Variants in NEMP2 observed in about 807,000 individuals in gnomAD.
NEMP2 encodes the protein UPF0571 transmembrane protein.
In NEMP2, 53 loss-of-function variants were observed where a neutral mutation model predicts 54.2. That is an observed-to-expected ratio of 0.98 (90% confidence interval 0.78 to 1.23). The LOEUF (loss-of-function observed/expected upper bound fraction) is 1.23, where lower values mean the gene tolerates loss of function less well. NEMP2 is among the 50% of genes most tolerant of loss of function. The pLI, the probability that NEMP2 is intolerant of heterozygous loss-of-function variation, is 0.00. For synonymous variants in NEMP2, 197 were observed against 190.3 expected, an observed-to-expected ratio of 1.04 and a Z score of -0.29; for missense variants, 455 against 511.3, an observed-to-expected ratio of 0.89 and a Z score of 1.06.
chr2:190,622,026 G>C, the NEMP2 span, among the ~76,000 whole-genome samples: 1 of 152,224 alleles, frequency 6.6e-6, no homozygotes, highest in Non-Finnish European at 1.5e-5. Flanking sequence ...AGAATCACTT[G>C]AGCCTGGGAG....
the NEMP2 span, among the ~76,000 whole-genome samples, chr2:190,574,014 T>C: frequency 5.6e-4 from 86 of 152,344 alleles, no homozygotes; most frequent in Non-Finnish European, 1.1e-3. Flanking sequence ...GTCATCCAGC[T>C]AGGAAGCTGC....
At chr2:190,441,897 C>T in the NEMP2 span, among the ~76,000 whole-genome samples, 2 of 152,202 alleles carry the variant, frequency 1.3e-5, no homozygotes, top group Non-Finnish European at 2.9e-5. Context: ...TTTTCTGTCA[C>T]CTACCTAACC....
chr2:190,481,788 T>C, the NEMP2 span, among the ~76,000 whole-genome samples: 2 of 152,218 alleles, frequency 1.3e-5, no homozygotes, highest in Admixed American at 6.5e-5. Flanking sequence ...AATTGTTGCA[T>C]GTCTTATATA....
At chr2:190,565,199 G>C in the NEMP2 span, among the ~76,000 whole-genome samples, 1 of 152,014 alleles carries the variant, frequency 6.6e-6, no homozygotes, top group South Asian at 2.1e-4. Flanking sequence ...GGAATGGCCT[G>C]AGCATCAGAA....
the NEMP2 span, among the ~76,000 whole-genome samples, chr2:190,540,382 C>T: frequency 2.6e-5 from 4 of 152,048 alleles, no homozygotes; most frequent in South Asian, 8.3e-4. Flanking sequence ...CCCCCAGGCT[C>T]AAATGATCCT....
the NEMP2 span, chr2:190,437,452 C>T: frequency 6.2e-7 from 1 of 1,614,194 alleles, no homozygotes; most frequent in East Asian, 2.2e-5. This position sits in a 1 kb window ranked among gnomAD's most constrained non-coding sequence, Gnocchi z 5.9. Flanking sequence ...TTTGGAAGAC[C>T]TCAATGGAAC....
At chr2:190,464,454 G>A in the NEMP2 span, among the ~76,000 whole-genome samples, 1,699 of 152,136 alleles carry the variant, frequency 0.011, 37 homozygotes, top group African/African-American at 0.038. Context: ...GTTGTTTCTG[G>A]AATAATATCC....
downstream of NEMP2, chr2:190,500,266 C>A (rs1256275882): frequency 4.4e-6 from 7 of 1,604,328 alleles, no homozygotes; most frequent in Admixed American, 6.7e-5. The surrounding 1 kb of genome is among the most constrained non-coding windows in gnomAD (Gnocchi z 5.3). Context: ...GCTCCTCAGC[C>A]AGGACACAGG....
the NEMP2 span, among the ~76,000 whole-genome samples, chr2:190,613,707 C>T: frequency 0.013 from 1,987 of 152,196 alleles, 46 homozygotes; most frequent in African/African-American, 0.045. Flanking sequence ...TCCTACTCAG[C>T]CTCCCAAGTA....
At chr2:190,442,060 A>G in the NEMP2 span, among the ~76,000 whole-genome samples, 1 of 152,236 alleles carries the variant, frequency 6.6e-6, no homozygotes, top group African/African-American at 2.4e-5. Flanking sequence ...AAGCAAAAAG[A>G]TGGTAGACCT....
chr2:190,493,710 C>G, the NEMP2 span, among the ~76,000 whole-genome samples: 1 of 152,112 alleles, frequency 6.6e-6, no homozygotes, highest in Non-Finnish European at 1.5e-5. Context: ...GAAATCAACT[C>G]CAAAAGGAAC....
the NEMP2 span, among the ~76,000 whole-genome samples, chr2:190,479,651 T>G: frequency 6.6e-6 from 1 of 152,182 alleles, no homozygotes; most frequent in Non-Finnish European, 1.5e-5. Context: ...TTAGTGTTAG[T>G]TCTGAGCAAG....
the NEMP2 span, among the ~76,000 whole-genome samples, chr2:190,569,384 C>A: frequency 1.2e-3 from 132 of 111,770 alleles, no homozygotes; most frequent in African/African-American, 4.3e-3. Context: ...GAGGCCATTA[C>A]CTTGAGACAA....
At position 190,534,319 on chromosome 2, in the gene NEMP2, G is replaced by A. The variant is rs867963941; in HGVS notation, c.97+240C>T. 1.4e-5 allele frequency: 17 copies of A among 1,186,750 alleles called. No homozygotes were observed. In the Middle Eastern group the frequency reaches 3.0e-3, roughly 212 times the overall value. 73.5% of individuals were successfully genotyped at this position (1,186,750 alleles called of 1,614,324 possible). On this transcript the variant is annotated intron_variant, in intron 1 of 8. Coordinates refer to ENST00000409150, the MANE Select transcript of NEMP2 (RefSeq NM_001142645.2). ...CGAGGGAATTGGGCGACTGGATCGC[G>A]CGGTTGCTTCTAATTCTAAAATTAC...
chr2:190,561,406 G>A, the NEMP2 span, among the ~76,000 whole-genome samples: 2 of 152,182 alleles, frequency 1.3e-5, no homozygotes, highest in Non-Finnish European at 2.9e-5. This position sits in a 1 kb window ranked among gnomAD's most constrained non-coding sequence, Gnocchi z 5.4. Context: ...GAGGCTAGAA[G>A]TCCAAGATCA....
At chr2:190,476,510 T>C in the NEMP2 span, among the ~76,000 whole-genome samples, 17 of 152,110 alleles carry the variant, frequency 1.1e-4, no homozygotes, top group Non-Finnish European at 2.9e-5. Flanking sequence ...TGAGATACCA[T>C]CTCATACCAA....
In NEMP2 at chr2:190,527,712, G is replaced by A. The variant is rs536183265; in HGVS notation, c.98-2334C>T. Among the ~76,000 whole-genome samples the A allele has an allele frequency of 6.6e-6, 1 of 152,270 alleles. No homozygotes were observed. The highest frequency in any genetic ancestry group is 2.1e-4 in the South Asian group (1 of 4,810). ...ATGGTCTGTTAGGAACAGGGCTGCA[G>A]GAGGTGAGCGGTGCGCGAGGCGAGT... is the stretch of plus-strand genomic sequence containing the variant. On this transcript the variant is annotated intron_variant, in intron 1 of 8. Coordinates refer to ENST00000409150, the MANE Select transcript of NEMP2 (RefSeq NM_001142645.2). The surrounding 1 kb of genome is among the most constrained non-coding windows in gnomAD (Gnocchi z 4.0).
chr2:190,510,389 C>G lies in NEMP2; in HGVS notation c.1102G>C (p.Val368Leu). Reference protein sequence around the residue: ...CRKPDFPSWLVVSRLHTPSKF... With the variant: ...CRKPDFPSWLLVSRLHTPSKF... ...CTAGGAGTGTGGAGTCTGGAGACGACCAGCCATGAGGGAAAGTCGGGTTTT... is the reference window on the plus strand; with the variant it reads ...CTAGGAGTGTGGAGTCTGGAGACGAGCAGCCATGAGGGAAAGTCGGGTTTT... The change falls in exon 8 of 9, where the codon GTC becomes CTC. Residue 368 changes from valine to leucine, a missense_variant. Coordinates refer to ENST00000409150, the MANE Select transcript of NEMP2 (RefSeq NM_001142645.2). This position sits in a 1 kb window ranked among gnomAD's most constrained non-coding sequence, Gnocchi z 5.7. The G allele has an allele frequency of 3.9e-6, 6 of 1,551,698 alleles. No homozygotes were observed. Among genetic ancestry groups the G allele is most frequent in the Non-Finnish European group, 5.2e-6 (6 of 1,146,998 alleles).
chr2:190,468,309 C>A, the NEMP2 span, among the ~76,000 whole-genome samples: 1,089 of 152,296 alleles, frequency 7.2e-3, 10 homozygotes, highest in Non-Finnish European at 0.011. Flanking sequence ...TTGCCTATTT[C>A]ATCCACACCC....
Sources: allele counts gnomAD v4.1 joint callset (sites outside exome capture counted in the v4.1 genomes callset), GRCh38; gene constraint gnomAD v4.1.1; non-coding constraint Gnocchi (gnomAD v3.1); transcripts MANE v1.5; gene names NCBI Gene and HGNC (gene_info 2026-07-23, HGNC 2026-07-21).